LRPPRC: variants seen among roughly 807,000 people sequenced by gnomAD.
LRPPRC encodes leucine rich pentatricopeptide repeat containing.
A neutral mutation model predicts 180.3 loss-of-function variants in LRPPRC; 120 were observed. The observed-to-expected ratio is 0.67, with a 90% CI of 0.57 to 0.77. The LOEUF is 0.77. Ranked by LOEUF, LRPPRC falls within the 30% of genes least tolerant of loss-of-function variation. The pLI, the probability that LRPPRC is intolerant of heterozygous loss-of-function variation, is 0.00. For synonymous variants in LRPPRC, 723 were observed against 600.0 expected (o/e 1.21, Z -3.00); for missense variants, 2,012 against 1,657.2 (o/e 1.21, Z -3.72).
At chr2:43,958,415 G>A (rs975702742) in intron 13 of LRPPRC, among the ~76,000 whole-genome samples, 1 of 152,176 alleles carries the variant, frequency 6.6e-6, no homozygotes, top group Non-Finnish European at 1.5e-5. Context: ...CATGGGAAAA[G>A]TCATGGCCCA....
In LRPPRC at chr2:43,948,106, G is replaced by T; in HGVS notation, c.1920+16C>A. 1.4e-6 allele frequency: 2 copies of T among 1,479,974 alleles called. No individual in the cohort carries two copies. The highest frequency in any genetic ancestry group is 1.9e-6 in the Non-Finnish European group (2 of 1,058,792). The allele number at this position is 1,479,974 out of a possible 1,614,324, so 91.7% of individuals were successfully genotyped here. A position where few individuals can be genotyped will look rare whatever the true frequency, so the allele number is the denominator to read the frequency against. ...AGTTAAGCATTTTATCCAGTTGATT[G>T]CTATTTCACACACACCTTAATCAAT... On this transcript the variant is annotated intron_variant, in intron 18 of 37. Coordinates refer to ENST00000260665, the MANE Select transcript of LRPPRC (RefSeq NM_133259.4).
chr2:43,990,992 T>G (rs1674751696), intron 1 of LRPPRC, among the ~76,000 whole-genome samples: 1 of 151,634 alleles, frequency 6.6e-6, no homozygotes, highest in African/African-American at 2.4e-5. Flanking sequence ...ATTACAGGCA[T>G]GGGCCACCAC....
intron 2 of LRPPRC, among the ~76,000 whole-genome samples, chr2:43,980,819 C>T (rs1002305469): frequency 8.5e-5 from 13 of 152,168 alleles, no homozygotes; most frequent in African/African-American, 2.2e-4. Context: ...ACAGAAAATA[C>T]GCTAGTTGTT....
At chr2:43,918,541 T>G (rs1671562341) in intron 27 of LRPPRC, 143 bp from the exon 28 acceptor site, 2 of 693,638 alleles carry the variant, frequency 2.9e-6, no homozygotes, top group Non-Finnish European at 4.9e-6. Context: ...AAAGTGACCG[T>G]GACCCGAAGT....
chr2:43,974,810 G>A, intron 7 of LRPPRC, 52 bp from the exon 8 acceptor site: 1 of 1,534,648 alleles, frequency 6.5e-7, no homozygotes, highest in Non-Finnish European at 9.0e-7. Context: ...TTTTATTTAA[G>A]TATTAAAGCT....
At chr2:43,976,269 T>C (rs765963638) in intron 5 of LRPPRC, 40 bp from the exon 6 acceptor site, 3 of 1,089,872 alleles carry the variant, frequency 2.8e-6, no homozygotes, top group Admixed American at 3.4e-5. Flanking sequence ...AAAGTATTTA[T>C]AAGAACACTC....
chr2:43,944,940 A>G (rs1672623396), intron 22 of LRPPRC, among the ~76,000 whole-genome samples: 1 of 152,116 alleles, frequency 6.6e-6, no homozygotes, highest in Non-Finnish European at 1.5e-5. Flanking sequence ...TCAGGCGCAT[A>G]TATTAGGTTA....
chr2:43,965,814 A>G (rs1351553096), intron 11 of LRPPRC, among the ~76,000 whole-genome samples: 1 of 152,208 alleles, frequency 6.6e-6, no homozygotes, highest in African/African-American at 2.4e-5. Context: ...CCACAATGAG[A>G]TATCACCTTA....
chr2:43,928,749 G>A (rs1412581020), intron 25 of LRPPRC, among the ~76,000 whole-genome samples: 1 of 151,784 alleles, frequency 6.6e-6, no homozygotes, highest in Admixed American at 6.6e-5. Context: ...GCAACACAGT[G>A]TGACCCCATC....
At chr2:43,891,676 C>A (rs1670497795) in intron 36 of LRPPRC, among the ~76,000 whole-genome samples, 1 of 152,274 alleles carries the variant, frequency 6.6e-6, no homozygotes, top group Non-Finnish European at 1.5e-5. Flanking sequence ...TTCTGAGACA[C>A]AACAATATTG....
chr2:43,968,695 G>A (rs920083526), intron 11 of LRPPRC, among the ~76,000 whole-genome samples: 3 of 152,194 alleles, frequency 2.0e-5, no homozygotes, highest in Non-Finnish European at 4.4e-5. Context: ...CACAGAAGCA[G>A]AAAGTAGGAC....
chr2:43,911,480 AT>A (rs1671253248), intron 30 of LRPPRC, among the ~76,000 whole-genome samples: 1 of 144,368 alleles, frequency 6.9e-6, no homozygotes, highest in Non-Finnish European at 1.5e-5. Context: ...CGGACTTAAA[AT>A]TTTTTTCAGA....
At chr2:43,896,218 CTTTCTTT>C (rs1232287131) in intron 35 of LRPPRC, 1 of 59,568 alleles carries the variant, frequency 1.7e-5, no homozygotes, top group Admixed American at 2.3e-4. Flanking sequence ...TTCTTTCTTT[CTTTCTTT>C]TTTTTTTTTT....
chr2:43,983,601 A>G (rs1674404139), intron 1 of LRPPRC, among the ~76,000 whole-genome samples: 2 of 152,164 alleles, frequency 1.3e-5, no homozygotes, highest in African/African-American at 4.8e-5. Flanking sequence ...ATTTATTGCA[A>G]ATATCTTAGT....
chr2:43,916,966 A>AG (rs1485638516), intron 29 of LRPPRC, among the ~76,000 whole-genome samples: 6 of 150,772 alleles, frequency 4.0e-5, no homozygotes, highest in East Asian at 3.9e-4. Flanking sequence ...AAAAAAAAAA[A>AG]AAAGAATAGT....
intron 1 of LRPPRC, 28 bp from the exon 2 acceptor site, chr2:43,982,462 A>C: frequency 1.3e-6 from 2 of 1,506,124 alleles, no homozygotes; most frequent in Non-Finnish European, 1.8e-6. Context: ...ATTAATAATA[A>C]TCAGTTGCTA....
intron 31 of LRPPRC, 33 bp from the exon 32 acceptor site, chr2:43,901,557 A>G (rs758446536): frequency 1.4e-5 from 19 of 1,388,046 alleles, no homozygotes; most frequent in East Asian, 1.1e-4. Flanking sequence ...GGCTTTTCTT[A>G]TATGACCTGT....
intron 27 of LRPPRC, among the ~76,000 whole-genome samples, chr2:43,920,742 T>C (rs1671671597): frequency 6.6e-6 from 1 of 151,480 alleles, no homozygotes; most frequent in Non-Finnish European, 1.5e-5. Flanking sequence ...AGCACTTCTG[T>C]TGACTGCCAA....
chr2:43,889,563 G>A (rs972086270), intron 37 of LRPPRC, among the ~76,000 whole-genome samples, 171 bp downstream of exon 37: 1 of 151,942 alleles, frequency 6.6e-6, no homozygotes, highest in African/African-American at 2.4e-5. Context: ...TATGTTCTCC[G>A]ACTGCCGCAG....
Sources: allele counts gnomAD v4.1 joint callset (sites outside exome capture counted in the v4.1 genomes callset), GRCh38; gene constraint gnomAD v4.1.1; transcripts MANE v1.5; gene names NCBI Gene and HGNC (gene_info 2026-07-23, HGNC 2026-07-21).